Variants in DLC1 observed in about 807,000 individuals in gnomAD.
DLC1 encodes rho GTPase-activating protein 7.
In DLC1, 54 loss-of-function variants were observed where a neutral mutation model predicts 140.3. The ratio of observed to expected loss-of-function variants is 0.38; its 90% CI spans 0.31 to 0.48. The LOEUF (loss-of-function observed/expected upper bound fraction) is 0.48. Among genes scored for constraint, DLC1 ranks in the 20% least tolerant of loss-of-function variants. DLC1 has a pLI of 0.96. For synonymous variants in DLC1, 986 were observed against 728.1 expected, an observed-to-expected ratio of 1.35 and a Z score of -5.70; for missense variants, 2,536 against 1,907.0, an observed-to-expected ratio of 1.33 and a Z score of -6.14.
At chr8:13,356,741 C>G (rs1834957984) in intron 4 of DLC1, among the ~76,000 whole-genome samples, 1 of 152,110 alleles carries the variant, frequency 6.6e-6, no homozygotes, top group African/African-American at 2.4e-5. Flanking sequence ...TTCTGAAAGC[C>G]ATGTGGCTAA....
At chr8:13,176,021 C>T (rs1435981005) in intron 5 of DLC1, among the ~76,000 whole-genome samples, 1 of 152,070 alleles carries the variant, frequency 6.6e-6, no homozygotes, top group African/African-American at 2.4e-5. Context: ...ACTTTTTGGC[C>T]ACAAATTTCA....
At chr8:13,249,485 C>G (rs984629130) in intron 5 of DLC1, among the ~76,000 whole-genome samples, 3 of 152,216 alleles carry the variant, frequency 2.0e-5, no homozygotes, top group African/African-American at 4.8e-5. Context: ...ATGGTACCCA[C>G]TGCCACCGTG....
intron 5 of DLC1, among the ~76,000 whole-genome samples, chr8:13,118,235 T>C (rs1157260997): frequency 6.6e-6 from 1 of 152,230 alleles, no homozygotes; most frequent in African/African-American, 2.4e-5. Context: ...GATCATAAAC[T>C]GATCAGAAAA....
chr8:13,428,470 G>A (rs1161704404), intron 2 of DLC1, among the ~76,000 whole-genome samples: 3 of 152,104 alleles, frequency 2.0e-5, no homozygotes, highest in Non-Finnish European at 4.4e-5. Flanking sequence ...TTAGCAAACT[G>A]AAAGCTTTGA....
chr8:13,222,731 C>G (rs1472139197), intron 5 of DLC1, among the ~76,000 whole-genome samples: 2 of 152,004 alleles, frequency 1.3e-5, no homozygotes, highest in Admixed American at 6.6e-5. Context: ...TCAAATACAC[C>G]TAAATTTTTG....
rs527598987 is a variant in DLC1 at position 13,263,260 on chromosome 8, G to C, written c.1348+42009C>G. ...TTATTATCAGTGTTACTTAATATAA[G>C]TTACTGTGAAGTGGTTATCTCTGAA... On this transcript the variant is annotated intron_variant, in intron 5 of 17. Coordinates refer to ENST00000276297, the MANE Select transcript of DLC1 (RefSeq NM_182643.3). Among the ~76,000 whole-genome samples the C allele has an allele frequency of 3.9e-5, 6 of 152,178 alleles. No individual in the cohort carries two copies. The South Asian group carries it at 1.2e-3, about 32-fold the overall frequency.
At chr8:13,334,313 G>A (rs2116956648) in intron 4 of DLC1, among the ~76,000 whole-genome samples, 1 of 152,284 alleles carries the variant, frequency 6.6e-6, no homozygotes, top group Middle Eastern at 3.4e-3. Flanking sequence ...TGCTAGCACA[G>A]TGGAAGATGG....
chr8:13,308,110 G>C (rs1383254651), intron 4 of DLC1, among the ~76,000 whole-genome samples: 1 of 152,126 alleles, frequency 6.6e-6, no homozygotes, highest in African/African-American at 2.4e-5. Context: ...TATTTTATTT[G>C]ATTTCAAAAG....
chr8:13,088,657 G>A lies in DLC1; in HGVS notation c.4122C>T (p.Val1374=), dbSNP rs761662286. The A allele has an allele frequency of 1.9e-6, 3 of 1,614,026 alleles. No homozygotes were observed. The highest frequency in any genetic ancestry group is 2.2e-5 in the East Asian group (1 of 44,882). Reference sequence around the variant, plus strand: ...TTAAGATTTCCTCTGGCACAGCAGGGACTTCAATGACTGACCTCCAAAGCC... The same window carrying A: ...TTAAGATTTCCTCTGGCACAGCAGGAACTTCAATGACTGACCTCCAAAGCC... ...PLRLWRSVIE[V]PAVPEEILKR... Residue 1374 remains valine, a synonymous_variant, in exon 16 of 18, where the codon GTC becomes GTT. Coordinates refer to ENST00000276297, the MANE Select transcript of DLC1 (RefSeq NM_182643.3).
intron 1 of DLC1, among the ~76,000 whole-genome samples, chr8:13,503,673 C>T (rs963298148): frequency 2.6e-5 from 4 of 152,130 alleles, no homozygotes; most frequent in Admixed American, 6.6e-5. Context: ...GTAGAACTGA[C>T]AGTAGTTAGT....
chr8:13,406,183 T>TG (rs1563321166), intron 2 of DLC1, among the ~76,000 whole-genome samples: 1 of 125,690 alleles, frequency 8.0e-6, no homozygotes, highest in Non-Finnish European at 1.6e-5. Context: ...ATTTTTGTGT[T>TG]TTTTTTTTTT....
chr8:13,093,180 A>G (rs761129148), intron 12 of DLC1, among the ~76,000 whole-genome samples: 21 of 152,036 alleles, frequency 1.4e-4, no homozygotes, highest in African/African-American at 2.7e-4. Flanking sequence ...ATCAATCTCA[A>G]TTACTGAAAA....
intron 2 of DLC1, among the ~76,000 whole-genome samples, chr8:13,450,475 A>AAG (rs1798989484): frequency 6.7e-6 from 1 of 149,264 alleles, no homozygotes; most frequent in Non-Finnish European, 1.5e-5. Flanking sequence ...AAAAAAAAAA[A>AAG]GGCCGAAGAG....
chr8:13,102,693 T>C, intron 8 of DLC1, 97 bp downstream of exon 8: 1 of 1,094,728 alleles, frequency 9.1e-7, no homozygotes, highest in Non-Finnish European at 1.4e-6. Context: ...AACAACAAAC[T>C]AAGAGTTGGA....
intron 5 of DLC1, among the ~76,000 whole-genome samples, chr8:13,126,987 C>T (rs1821636236): frequency 6.6e-6 from 1 of 152,180 alleles, no homozygotes; most frequent in African/African-American, 2.4e-5. Context: ...AGACCAATGA[C>T]AATGAAAATA....
intron 1 of DLC1, among the ~76,000 whole-genome samples, chr8:13,559,841 A>G (rs1158915560): frequency 6.6e-6 from 1 of 152,190 alleles, no homozygotes; most frequent in Admixed American, 6.5e-5. Context: ...TATATTTAGA[A>G]TCTCATTTAT....
intron 1 of DLC1, among the ~76,000 whole-genome samples, chr8:13,571,998 G>T (rs1047047754): frequency 6.6e-6 from 1 of 151,762 alleles, no homozygotes; most frequent in East Asian, 1.9e-4. Context: ...GTTCATTTGT[G>T]TATCTCATTT....
intron 2 of DLC1, chr8:13,498,756 G>C (rs113810670): frequency 7.3e-6 from 2 of 274,500 alleles, no homozygotes; most frequent in Non-Finnish European, 1.4e-5. Flanking sequence ...GCTATCTAGT[G>C]GCTATTTAAT....
intron 1 of DLC1, among the ~76,000 whole-genome samples, chr8:13,501,592 C>T (rs757298880): frequency 1.2e-4 from 19 of 152,170 alleles, no homozygotes; most frequent in East Asian, 1.9e-4. Context: ...ACAAAAATTT[C>T]GAGCTGTTCT....
Sources: allele counts gnomAD v4.1 joint callset (sites outside exome capture counted in the v4.1 genomes callset), GRCh38; gene constraint gnomAD v4.1.1; transcripts MANE v1.5; gene names NCBI Gene and HGNC (gene_info 2026-07-23, HGNC 2026-07-21).